Variants in SOX5 observed in about 807,000 individuals in gnomAD.
The protein encoded by SOX5 is SRY-box transcription factor 5.
In SOX5, 9 loss-of-function variants were observed where a neutral mutation model predicts 92.0. The ratio of observed to expected loss-of-function variants is 0.10; its 90% CI spans 0.06 to 0.17. The LOEUF (loss-of-function observed/expected upper bound fraction) is 0.17. Among genes scored for constraint, SOX5 ranks in the 10% least tolerant of loss-of-function variants. The pLI is 1.00. For synonymous variants in SOX5, 344 were observed against 336.3 expected, an observed-to-expected ratio of 1.02 and a Z score of -0.25; for missense variants, 642 against 944.5, an observed-to-expected ratio of 0.68 and a Z score of 4.20.
At chr12:23,702,771 T>C (rs901605439) in intron 6 of SOX5, among the ~76,000 whole-genome samples, 11 of 151,878 alleles carry the variant, frequency 7.2e-5, no homozygotes, top group African/African-American at 1.9e-4. Context: ...TGTGTGTGTG[T>C]GCACGTACAC....
At chr12:24,047,775 C>A (rs1369293091) in intron 4 of SOX5, among the ~76,000 whole-genome samples, 1 of 152,158 alleles carries the variant, frequency 6.6e-6, no homozygotes, top group Non-Finnish European at 1.5e-5. Context: ...GTGGAATGAA[C>A]CCTCAAACCC....
intron 4 of SOX5, among the ~76,000 whole-genome samples, chr12:24,190,880 A>G (rs189098460): frequency 6.6e-6 from 1 of 152,358 alleles, no homozygotes; most frequent in East Asian, 1.9e-4. Flanking sequence ...CCAAGGGGAG[A>G]AAGTTTATAA....
At chr12:23,725,339 G>A (rs1232496350) in intron 6 of SOX5, among the ~76,000 whole-genome samples, 1 of 152,136 alleles carries the variant, frequency 6.6e-6, no homozygotes, top group African/African-American at 2.4e-5. Context: ...TCATGGCGGA[G>A]ATGAAGGAAG....
intron 8 of SOX5, among the ~76,000 whole-genome samples, chr12:23,624,839 A>C (rs17384641): frequency 0.081 from 12,282 of 152,206 alleles, 662 homozygotes; most frequent in Non-Finnish European, 0.11. Context: ...AAAGATACAA[A>C]TGCAACAAGA....
chr12:24,535,088 G>C (rs935943744), intron 1 of SOX5, among the ~76,000 whole-genome samples: 1 of 152,144 alleles, frequency 6.6e-6, no homozygotes, highest in African/African-American at 2.4e-5. Context: ...TGGAGCCCAA[G>C]GCATGAAATG....
intron 6 of SOX5, among the ~76,000 whole-genome samples, chr12:23,689,355 G>A (rs146204034): frequency 2.2e-4 from 34 of 152,120 alleles, no homozygotes; most frequent in Middle Eastern, 3.4e-3. Context: ...ATAGCTGCCC[G>A]CTGCTGAGCT....
chr12:23,701,970 A>G (rs2090698066), intron 6 of SOX5, among the ~76,000 whole-genome samples: 1 of 152,118 alleles, frequency 6.6e-6, no homozygotes, highest in African/African-American at 2.4e-5. Flanking sequence ...TAAAATGAAC[A>G]CTACCCATGA....
chr12:23,884,442 A>G (rs2097037881), intron 2 of SOX5, among the ~76,000 whole-genome samples: 1 of 152,172 alleles, frequency 6.6e-6, no homozygotes, highest in Non-Finnish European at 1.5e-5. Context: ...ATATTGCCCA[A>G]TAGCCTATTA....
intron 3 of SOX5, among the ~76,000 whole-genome samples, chr12:23,778,113 A>G (rs1454303063): frequency 6.6e-6 from 1 of 152,224 alleles, no homozygotes; most frequent in African/African-American, 2.4e-5. Flanking sequence ...GGTATTTCCA[A>G]ATGTAATTGT....
intron 9 of SOX5, among the ~76,000 whole-genome samples, chr12:23,577,683 ATCT>A (rs1949385414): frequency 6.6e-6 from 1 of 152,182 alleles, no homozygotes; most frequent in African/African-American, 2.4e-5. Flanking sequence ...CAAATTAGCA[ATCT>A]TCTATGATGT....
At chr12:24,155,872 G>A (rs1952113595) in intron 4 of SOX5, among the ~76,000 whole-genome samples, 1 of 152,160 alleles carries the variant, frequency 6.6e-6, no homozygotes, top group Admixed American at 6.5e-5. Flanking sequence ...AGGTCCTTGA[G>A]AGGTTAGGAG....
At chr12:23,877,583 C>T (rs1431012346) in intron 2 of SOX5, among the ~76,000 whole-genome samples, 1 of 151,944 alleles carries the variant, frequency 6.6e-6, no homozygotes, top group African/African-American at 2.4e-5. Context: ...AGAGATATAT[C>T]AAAGCAAAGA....
chr12:24,160,291 A>G (rs992430682), intron 4 of SOX5, among the ~76,000 whole-genome samples: 9 of 152,026 alleles, frequency 5.9e-5, no homozygotes, highest in African/African-American at 2.2e-4. Flanking sequence ...TAGTAGGAAA[A>G]ATATATAGAA....
intron 3 of SOX5, among the ~76,000 whole-genome samples, chr12:24,230,192 G>T (rs1186571296): frequency 2.0e-5 from 3 of 152,090 alleles, no homozygotes; most frequent in African/African-American, 7.2e-5. Flanking sequence ...GCACGGTAGG[G>T]ATCAAACACT....
intron 1 of SOX5, among the ~76,000 whole-genome samples, chr12:23,937,702 ATT>A (rs893164596): frequency 6.6e-6 from 1 of 150,906 alleles, no homozygotes; most frequent in African/African-American, 2.4e-5. Context: ...GACCTACTTT[ATT>A]AGTGAAACCT....
intron 4 of SOX5, among the ~76,000 whole-genome samples, chr12:24,109,970 CT>C (rs1947128064): frequency 1.3e-5 from 2 of 152,256 alleles, no homozygotes; most frequent in Non-Finnish European, 1.5e-5. Context: ...AAAATTTTTT[CT>C]GATGACACAT....
intron 1 of SOX5, among the ~76,000 whole-genome samples, chr12:24,473,691 G>A (rs573017777): frequency 4.7e-4 from 72 of 152,316 alleles, no homozygotes; most frequent in African/African-American, 1.5e-3. Context: ...GAGTACAGGT[G>A]TAAGACTGAG....
chr12:23,994,325 C>A (rs1402085907), intron 4 of SOX5, among the ~76,000 whole-genome samples: 1 of 151,782 alleles, frequency 6.6e-6, no homozygotes, highest in Admixed American at 6.6e-5. Flanking sequence ...ATTTTACTTA[C>A]TTAAAAAAAT....
At chr12:24,165,927 T>A (rs953067579) in intron 4 of SOX5, among the ~76,000 whole-genome samples, 3 of 151,820 alleles carry the variant, frequency 2.0e-5, no homozygotes, top group Non-Finnish European at 2.9e-5. Context: ...ATATGTGAGA[T>A]TAGGGAAGAT....
Sources: allele counts gnomAD v4.1 joint callset (sites outside exome capture counted in the v4.1 genomes callset), GRCh38; gene constraint gnomAD v4.1.1; transcripts MANE v1.5; gene names NCBI Gene and HGNC (gene_info 2026-07-23, HGNC 2026-07-21).